NRG1: variants seen among roughly 807,000 people sequenced by gnomAD.
NRG1 encodes the protein pro-neuregulin-1, membrane-bound isoform.
NRG1 carries 18 observed loss-of-function variants against 63.8 expected under a neutral mutation model. The ratio of observed to expected loss-of-function variants is 0.28; its 90% CI spans 0.19 to 0.42. The LOEUF is 0.42. Among genes scored for constraint, NRG1 ranks in the 10% least tolerant of loss-of-function variants. NRG1 has a pLI of 1.00. For synonymous variants in NRG1, 302 were observed against 301.3 expected, an observed-to-expected ratio of 1.00 and a Z score of -0.02; for missense variants, 762 against 814.7, an observed-to-expected ratio of 0.94 and a Z score of 0.79.
intron 1 of NRG1, among the ~76,000 whole-genome samples, chr8:32,416,254 A>C (rs548283299): frequency 6.6e-6 from 1 of 152,152 alleles, no homozygotes; most frequent in Non-Finnish European, 1.5e-5. Flanking sequence ...AGACCCTGGC[A>C]AAGTTGGTAA....
At chr8:31,964,429 G>A (rs954459298) in intron 1 of NRG1, among the ~76,000 whole-genome samples, 2 of 152,168 alleles carry the variant, frequency 1.3e-5, no homozygotes, top group East Asian at 3.9e-4. Flanking sequence ...CAGCAGTTTG[G>A]GAGGCCAAGG....
intron 1 of NRG1, among the ~76,000 whole-genome samples, chr8:31,732,761 G>C (rs1814224775): frequency 6.6e-6 from 1 of 152,064 alleles, no homozygotes; most frequent in Non-Finnish European, 1.5e-5. Flanking sequence ...CGGGCATGGT[G>C]ATGCGCCCCT....
upstream of NRG1, among the ~76,000 whole-genome samples, chr8:32,547,151 T>G (rs560296692): frequency 1.1e-4 from 17 of 152,350 alleles, no homozygotes; most frequent in South Asian, 3.5e-3. Context: ...TTTCTCTACA[T>G]GTAGACAATT....
intron 1 of NRG1, among the ~76,000 whole-genome samples, chr8:32,072,283 G>T (rs1281145562): frequency 2.4e-5 from 3 of 125,870 alleles, no homozygotes; most frequent in Non-Finnish European, 5.1e-5. Flanking sequence ...CCTTGTGATT[G>T]AAAAAAAAAA....
intron 1 of NRG1, among the ~76,000 whole-genome samples, chr8:32,471,929 TAGTA>T (rs1484786765): frequency 6.6e-6 from 1 of 152,170 alleles, no homozygotes; most frequent in Non-Finnish European, 1.5e-5. Flanking sequence ...GGAAAATTGG[TAGTA>T]AGTGTCTATA....
chr8:31,659,478 C>T (rs546244016), intron 1 of NRG1, among the ~76,000 whole-genome samples: 95 of 152,090 alleles, frequency 6.2e-4, no homozygotes, highest in African/African-American at 2.1e-3. Context: ...ACTGAGGCTC[C>T]CCCAGGGGCG....
intron 1 of NRG1, among the ~76,000 whole-genome samples, chr8:31,758,331 T>C (rs779478769): frequency 1.4e-4 from 21 of 152,136 alleles, no homozygotes; most frequent in African/African-American, 1.9e-4. Context: ...GTTCCTGTGT[T>C]AGTTTGCTGA....
chr8:31,769,070 C>T (rs1046605493), intron 1 of NRG1, among the ~76,000 whole-genome samples: 11 of 152,106 alleles, frequency 7.2e-5, no homozygotes, highest in African/African-American at 2.4e-4. Flanking sequence ...TACTCCTTAC[C>T]CTGCTTTAAA....
At chr8:32,696,663 T>C (rs1813387188) in intron 5 of NRG1, among the ~76,000 whole-genome samples, 1 of 147,686 alleles carries the variant, frequency 6.8e-6, no homozygotes, top group Non-Finnish European at 1.5e-5. Context: ...TATCTTTTTT[T>C]TTTTTTTTTT....
At chr8:32,482,341 GAC>G (rs1267357405) in intron 1 of NRG1, among the ~76,000 whole-genome samples, 11 of 151,792 alleles carry the variant, frequency 7.2e-5, no homozygotes, top group Non-Finnish European at 1.3e-4. Context: ...GATGATCATT[GAC>G]ATTACCCTTA....
intron 1 of NRG1, among the ~76,000 whole-genome samples, chr8:32,077,158 G>C (rs1826696770): frequency 6.6e-6 from 1 of 152,184 alleles, no homozygotes; most frequent in Admixed American, 6.5e-5. Flanking sequence ...CCAGAGTTCA[G>C]GAGTTCGAGA....
At chr8:31,825,332 G>A (rs1017659218) in intron 1 of NRG1, among the ~76,000 whole-genome samples, 4 of 151,784 alleles carry the variant, frequency 2.6e-5, no homozygotes, top group Admixed American at 1.3e-4. Context: ...AGCTTGCAGT[G>A]AGCGGAGATC....
At chr8:31,794,579 C>T (rs1210155072) in intron 1 of NRG1, among the ~76,000 whole-genome samples, 1 of 151,472 alleles carries the variant, frequency 6.6e-6, no homozygotes, top group East Asian at 1.9e-4. Context: ...ATGAATGTCT[C>T]CTATTTGTCA....
At chr8:32,460,635 T>C (rs1223464658) in intron 1 of NRG1, among the ~76,000 whole-genome samples, 2 of 152,210 alleles carry the variant, frequency 1.3e-5, no homozygotes, top group African/African-American at 4.8e-5. Context: ...TGCCAGCCTA[T>C]GAGCACAAGT....
At chr8:32,618,354 C>G (rs1158008140) in intron 5 of NRG1, among the ~76,000 whole-genome samples, 1 of 152,112 alleles carries the variant, frequency 6.6e-6, no homozygotes, top group East Asian at 1.9e-4. Context: ...ATCAATGGGA[C>G]CATAGATACT....
At chr8:32,134,672 T>C (rs1198649759) in intron 1 of NRG1, among the ~76,000 whole-genome samples, 2 of 152,074 alleles carry the variant, frequency 1.3e-5, no homozygotes, top group Non-Finnish European at 2.9e-5. Flanking sequence ...AGAAATTAAG[T>C]TCACACATGC....
At chr8:32,060,509 A>G (rs1322747008) in intron 1 of NRG1, among the ~76,000 whole-genome samples, 1 of 151,876 alleles carries the variant, frequency 6.6e-6, no homozygotes, top group African/African-American at 2.4e-5. Flanking sequence ...TTAGAGAAGA[A>G]CAAACAATAA....
At chr8:32,689,355 A>G (rs772145105) in intron 5 of NRG1, among the ~76,000 whole-genome samples, 1 of 152,156 alleles carries the variant, frequency 6.6e-6, no homozygotes, top group Non-Finnish European at 1.5e-5. Flanking sequence ...GTGACATGAT[A>G]AAAATTACCT....
chr8:31,975,845 A>C (rs1251512153), intron 1 of NRG1, among the ~76,000 whole-genome samples: 1 of 152,202 alleles, frequency 6.6e-6, no homozygotes, highest in African/African-American at 2.4e-5. Flanking sequence ...GTCTCTCATG[A>C]GACTATATGC....
Sources: gnomAD v4.1 joint callset for allele counts (sites outside exome capture counted in the v4.1 genomes callset) on GRCh38, gnomAD v4.1.1 for gene constraint, MANE v1.5 for transcripts, NCBI Gene and HGNC (gene_info 2026-07-23, HGNC 2026-07-21) for gene names.